Variants in STRA6 observed in about 807,000 individuals in gnomAD.
STRA6 encodes signaling receptor and transporter of retinol STRA6, also known as receptor for retinol uptake STRA6.
In STRA6, 48 loss-of-function variants were observed where a neutral mutation model predicts 83.6. The ratio of observed to expected loss-of-function variants is 0.57; its 90% CI spans 0.46 to 0.73. The LOEUF (loss-of-function observed/expected upper bound fraction) is 0.73. Among genes scored for constraint, STRA6 ranks in the 30% least tolerant of loss-of-function variants. The pLI, the probability that STRA6 is intolerant of heterozygous loss-of-function variation, is 0.00. For synonymous variants in STRA6, 353 were observed against 362.3 expected (o/e 0.97, Z 0.29); for missense variants, 760 against 838.8 (o/e 0.91, Z 1.16).
At chr15:74,189,298 G>A in intron 11 of STRA6, 21 bp from the exon 12 acceptor site, 1 of 1,577,866 alleles carries the variant, frequency 6.3e-7, no homozygotes, top group East Asian at 2.3e-5. Flanking sequence ...CCCACAGTGA[G>A]GGCCCCATCC....
At chr15:74,189,425 A>T in intron 11 of STRA6, 148 bp from the exon 12 acceptor site, 5 of 1,210,904 alleles carry the variant, frequency 4.1e-6, no homozygotes, top group Non-Finnish European at 4.7e-6. Flanking sequence ...TAGAGCAGGG[A>T]TCTCACGCCT....
In STRA6 at chr15:74,202,607, G is replaced by A. The variant is rs918463087; in HGVS notation, c.-16+106C>T. 3 of 1,444,552 alleles carry A rather than the reference G, an allele frequency of 2.1e-6. No individual in the cohort carries two copies. In the South Asian group the frequency reaches 4.5e-5, roughly 22 times the overall value. The allele number at this position is 1,444,552 out of a possible 1,614,324, so 89.5% of individuals were successfully genotyped here. A position where few individuals can be genotyped will look rare whatever the true frequency, so the allele number is the denominator to read the frequency against. On this transcript the variant is annotated intron_variant, in intron 1 of 18. Transcript: ENST00000395105. ...TCTGACCAACCACCAGCAGGCGTGT[G>A]TTCAAAGGACCATTTTCAAAGAAGG...
At position 74,193,872 on chromosome 15, in the gene STRA6, G is replaced by C; in HGVS notation, c.648C>G (p.Leu216=). Residue 216 remains leucine, a synonymous_variant, in exon 8 of 19, where the codon CTC becomes CTG. Transcript: ENST00000395105. ...LLASLPLLLG[L]GFLSLWYPVQ... ...CAGGGTACCAAAGGCTCAGGAATCC[G>C]AGGCCCAGCAGGAGAGGCAGGGAGG... 1 of 1,613,940 alleles carries C rather than the reference G, an allele frequency of 6.2e-7. No individual in the cohort carries two copies. The highest frequency in any genetic ancestry group is 8.5e-7 in the Non-Finnish European group (1 of 1,179,896).
intron 1 of STRA6, chr15:74,208,696 G>T (rs2074317479): frequency 1.2e-5 from 12 of 986,312 alleles, no homozygotes; most frequent in Non-Finnish European, 1.4e-5. Context: ...CTGCCCCTAG[G>T]CTCTGACTCC....
chr15:74,207,880 C>A, intron 1 of STRA6: 1 of 1,508,268 alleles, frequency 6.6e-7, no homozygotes, highest in Admixed American at 2.0e-5. Context: ...ACACAGTGGG[C>A]TGGAAGGCAG....
chr15:74,203,553 C>T (rs2074177408), upstream of STRA6, among the ~76,000 whole-genome samples: 1 of 152,246 alleles, frequency 6.6e-6, no homozygotes, highest in South Asian at 2.1e-4. Context: ...CAAGGGGCTT[C>T]GGCTTGGACC....
chr15:74,208,025 C>A (rs914239575), intron 1 of STRA6: 2 of 1,367,496 alleles, frequency 1.5e-6, no homozygotes, highest in African/African-American at 1.5e-5. Flanking sequence ...AATTCTCATG[C>A]CCCCCTCACC....
chr15:74,186,708 T>C (rs1203332204), intron 12 of STRA6, among the ~76,000 whole-genome samples: 1 of 151,758 alleles, frequency 6.6e-6, no homozygotes, highest in Admixed American at 6.6e-5. Flanking sequence ...GAGGTGGAGG[T>C]TGCAGTGAGC....
intron 9 of STRA6, 74 bp from the exon 10 acceptor site, chr15:74,191,317 T>A: frequency 6.2e-7 from 1 of 1,607,242 alleles, no homozygotes; most frequent in African/African-American, 1.3e-5. Flanking sequence ...CAGAGGCTGG[T>A]CATTCTTCCC....
chr15:74,184,075 C>G, intron 13 of STRA6, 86 bp from the exon 14 acceptor site: 1 of 1,577,242 alleles, frequency 6.3e-7, no homozygotes, highest in Non-Finnish European at 8.6e-7. Flanking sequence ...TGGCCAAACT[C>G]CCAATAGAAT....
chr15:74,182,425 T>A lies in STRA6; in HGVS notation c.1336A>T (p.Thr446Ser). ...AGCACCAGGAAGGCCAGGGCCGTGG[T>A]TCCCAGGAAGAAGATGATCTGCTGC... ...LVQQIIFFLG[T>S]TALAFLVLMP... The change falls in exon 15 of 19, where the codon ACC becomes TCC. Residue 446 changes from threonine to serine, a missense_variant. Transcript: ENST00000395105. 6.2e-7 allele frequency: 1 copy of A among 1,611,910 alleles called. No individual in the cohort carries two copies. The highest frequency in any genetic ancestry group is 8.5e-7 in the Non-Finnish European group (1 of 1,179,042).
upstream of STRA6, chr15:74,209,732 T>G: frequency 2.5e-6 from 1 of 402,350 alleles, no homozygotes; most frequent in Non-Finnish European, 4.4e-6. Context: ...TCCCTCCCCT[T>G]CCTAGAGGGG....
chr15:74,195,124 C>T, intron 7 of STRA6, 178 bp downstream of exon 7: 1 of 1,492,574 alleles, frequency 6.7e-7, no homozygotes, highest in Non-Finnish European at 8.9e-7. Context: ...TTGTTCCCTG[C>T]CTCTCCTGCA....
At position 74,207,801 on chromosome 15, in the gene STRA6, C is replaced by T. The variant is rs759534745; in HGVS notation, c.-16+999G>A. 619 of 1,534,496 alleles carry T rather than the reference C, an allele frequency of 4.0e-4. 5 individuals are homozygous for T. Among genetic ancestry groups the T allele is most frequent in the Middle Eastern group, 3.9e-3 (23 of 5,960 alleles). ...TGTGCCCTCAGTGGCACAGCACACTCACACACACATCCAACTGCCCTTCGC... is the reference window on the plus strand; with the variant it reads ...TGTGCCCTCAGTGGCACAGCACACTTACACACACATCCAACTGCCCTTCGC... On this transcript the variant is annotated intron_variant, in intron 1 of 18. Transcript: ENST00000323940.
intron 8 of STRA6, 72 bp from the exon 9 acceptor site, chr15:74,191,563 A>C: frequency 7.5e-7 from 1 of 1,333,920 alleles, no homozygotes; most frequent in Non-Finnish European, 1.1e-6. Context: ...GGCTCAGGGA[A>C]CTAGAGTGTT....
chr15:74,183,277 C>T (rs2073080387), intron 14 of STRA6: 1 of 180,904 alleles, frequency 5.5e-6, no homozygotes, highest in African/African-American at 2.4e-5. Flanking sequence ...AAATGTGACA[C>T]AGCCCTTTCT....
chr15:74,208,803 C>T, exon 1 of STRA6: 1 of 988,988 alleles, frequency 1.0e-6, no homozygotes, highest in Non-Finnish European at 1.2e-6. Context: ...AGCCTACCTC[C>T]AATCAAGCGC....
At chr15:74,203,297 G>T, upstream of STRA6, 1 of 794,632 alleles carries the variant, frequency 1.3e-6, no homozygotes, top group Non-Finnish European at 1.5e-6. Flanking sequence ...CCAGACCCAC[G>T]GGTAGGCAAG....
chr15:74,192,517 T>C (rs911258302), intron 8 of STRA6, among the ~76,000 whole-genome samples: 4 of 152,132 alleles, frequency 2.6e-5, no homozygotes, highest in African/African-American at 9.7e-5. Flanking sequence ...CTGGATTCAG[T>C]CTGACCTTGC....
Sources: gnomAD v4.1 joint callset for allele counts (sites outside exome capture counted in the v4.1 genomes callset) on GRCh38, gnomAD v4.1.1 for gene constraint, MANE v1.5 for transcripts, NCBI Gene and HGNC (gene_info 2026-07-23, HGNC 2026-07-21) for gene names.